BAIAP2L1: variants seen among roughly 807,000 people sequenced by gnomAD.
The protein encoded by BAIAP2L1 is BAR/IMD domain-containing adapter protein 2-like 1.
A neutral mutation model predicts 66.3 loss-of-function variants in BAIAP2L1; 35 were observed. That is an observed-to-expected ratio of 0.53 (90% CI 0.40 to 0.70). The LOEUF (loss-of-function observed/expected upper bound fraction) is 0.70, where lower values mean the gene tolerates loss of function less well. Among genes scored for constraint, BAIAP2L1 ranks in the 30% least tolerant of loss-of-function variants. BAIAP2L1 has a pLI of 0.00. For missense variants in BAIAP2L1, 622 were observed against 656.9 expected (o/e 0.95, Z 0.58); for synonymous variants, 269 against 248.7 (o/e 1.08, Z -0.77).
At chr7:98,342,166 C>T (rs1457422983) in intron 3 of BAIAP2L1, among the ~76,000 whole-genome samples, 2 of 151,414 alleles carry the variant, frequency 1.3e-5, no homozygotes, top group African/African-American at 4.9e-5. Context: ...ATTCTCATGC[C>T]TCAGCCTCCC....
At chr7:98,392,827 C>T (rs1803076039) in intron 1 of BAIAP2L1, among the ~76,000 whole-genome samples, 6 of 151,924 alleles carry the variant, frequency 3.9e-5, no homozygotes, top group Admixed American at 3.9e-4. Flanking sequence ...CAGATTCTTG[C>T]TGCCACCCAG....
chr7:98,351,925 T>C (rs1222108198), intron 3 of BAIAP2L1, among the ~76,000 whole-genome samples: 1 of 152,214 alleles, frequency 6.6e-6, no homozygotes, highest in African/African-American at 2.4e-5. Context: ...TTTGAAATGA[T>C]TCATGATTTT....
At chr7:98,368,484 AG>A (rs1802438545) in intron 1 of BAIAP2L1, among the ~76,000 whole-genome samples, 1 of 152,108 alleles carries the variant, frequency 6.6e-6, no homozygotes. Flanking sequence ...CAAGGTCAGA[AG>A]ATCGACACCA....
chr7:98,340,958 G>GTT (rs1562776656), intron 3 of BAIAP2L1, among the ~76,000 whole-genome samples: 112 of 59,732 alleles, frequency 1.9e-3, no homozygotes, highest in African/African-American at 6.8e-3. Context: ...CCAGCTAATT[G>GTT]GTTTTTTTTT....
At chr7:98,306,547 C>T (rs754008612) in intron 10 of BAIAP2L1, 31 bp from the exon 11 acceptor site, 1 of 1,614,060 alleles carries the variant, frequency 6.2e-7, no homozygotes, top group Non-Finnish European at 8.5e-7. Flanking sequence ...AAGACCCTAT[C>T]AGCAGTAGAC....
chr7:98,305,504 T>TG (rs1389945989), intron 11 of BAIAP2L1, among the ~76,000 whole-genome samples: 1 of 152,120 alleles, frequency 6.6e-6, no homozygotes, highest in African/African-American at 2.4e-5. Context: ...GGATGGGTTA[T>TG]GGGGGTTCTG....
At chr7:98,397,884 C>T (rs1803253674) in intron 1 of BAIAP2L1, among the ~76,000 whole-genome samples, 1 of 152,124 alleles carries the variant, frequency 6.6e-6, no homozygotes, top group African/African-American at 2.4e-5. Flanking sequence ...TAGTAAAATA[C>T]ACACATCCTC....
chr7:98,384,998 C>T (rs985272147), intron 1 of BAIAP2L1, among the ~76,000 whole-genome samples: 6 of 152,154 alleles, frequency 3.9e-5, no homozygotes, highest in African/African-American at 9.7e-5. Flanking sequence ...GGCAATCAAC[C>T]TCATTCTATT....
intron 3 of BAIAP2L1, among the ~76,000 whole-genome samples, chr7:98,329,735 C>G (rs1801451223): frequency 6.6e-6 from 1 of 151,180 alleles, no homozygotes; most frequent in African/African-American, 2.4e-5. Flanking sequence ...GACTCAGAAA[C>G]TCTTCCAAAA....
intron 3 of BAIAP2L1, among the ~76,000 whole-genome samples, chr7:98,333,999 G>T (rs1383862232): frequency 1.3e-5 from 2 of 151,930 alleles, no homozygotes; most frequent in African/African-American, 4.8e-5. Context: ...TCTCAGTAAA[G>T]GTATACATTT....
chr7:98,307,870 G>C lies in BAIAP2L1; in HGVS notation c.982C>G (p.Arg328Gly), dbSNP rs1385972037. ...AGTCCCGTTGCAACCGAAACTGATC[G>C]CTGTAAACTGGGATCTTCGGAAGTA... is the stretch of plus-strand genomic sequence containing the variant. ...TGTSEDPSLQ[R>G]SVSVATGLNM... The change falls in exon 10 of 14, where the codon CGA (arginine) becomes GGA (glycine). Residue 328 changes from arginine (R) to glycine (G), a missense_variant. Physicochemically the swap from Arg to Gly is moderately radical, Grantham distance 125. Transcript: ENST00000005260. The C allele has an allele frequency of 2.3e-5, 37 of 1,614,192 alleles. No homozygotes were observed. Among genetic ancestry groups the C allele is most frequent in the Non-Finnish European group, 3.0e-5 (35 of 1,180,004 alleles).
intron 1 of BAIAP2L1, among the ~76,000 whole-genome samples, chr7:98,380,180 C>A (rs186431503): frequency 6.6e-6 from 1 of 151,448 alleles, no homozygotes; most frequent in Non-Finnish European, 1.5e-5. Context: ...CAGACTCAAG[C>A]GATCCTTCTG....
At chr7:98,376,905 T>G (rs1002526156) in intron 1 of BAIAP2L1, among the ~76,000 whole-genome samples, 1 of 151,474 alleles carries the variant, frequency 6.6e-6, no homozygotes, top group African/African-American at 2.4e-5. Context: ...AGGTATTTTG[T>G]AGATATGGTC....
chr7:98,300,390 T>G (rs1475436132), intron 12 of BAIAP2L1, among the ~76,000 whole-genome samples: 1 of 152,126 alleles, frequency 6.6e-6, no homozygotes, highest in South Asian at 2.1e-4. Context: ...CTAACAGGAG[T>G]GCTGTCTACA....
intron 6 of BAIAP2L1, among the ~76,000 whole-genome samples, chr7:98,316,492 C>T (rs1204030473): frequency 6.6e-6 from 1 of 152,188 alleles, no homozygotes; most frequent in African/African-American, 2.4e-5. Context: ...GGAAACTCTA[C>T]AGCCTTCAGC....
chr7:98,380,236 C>T (rs949105117), intron 1 of BAIAP2L1, among the ~76,000 whole-genome samples: 10 of 152,004 alleles, frequency 6.6e-5, no homozygotes, highest in Admixed American at 5.9e-4. Context: ...CACCAACACA[C>T]CCACCTAATT....
In BAIAP2L1 at chr7:98,293,680, C is replaced by G. The variant is rs1417335507; in HGVS notation, c.1461-84G>C. Reference sequence around the variant, plus strand: ...AACAGTGCTAATAACCCGTTCTTGCCCTGTGAGACTGGGCGGCTGACCACC... The same window carrying G: ...AACAGTGCTAATAACCCGTTCTTGCGCTGTGAGACTGGGCGGCTGACCACC... On this transcript the variant is annotated intron_variant, in intron 13 of 13. Coordinates refer to ENST00000005260, the MANE Select transcript of BAIAP2L1 (RefSeq NM_018842.5). 2.9e-6 allele frequency: 4 copies of G among 1,369,604 alleles called. No homozygotes were observed. In the African/African-American group the frequency reaches 5.6e-5, roughly 19 times the overall value. 84.8% of individuals were successfully genotyped at this position (1,369,604 alleles called of 1,614,324 possible). A position where few individuals can be genotyped will look rare whatever the true frequency, so the allele number is the denominator to read the frequency against.
At chr7:98,355,689 C>A (rs1802104440) in intron 2 of BAIAP2L1, among the ~76,000 whole-genome samples, 1 of 152,056 alleles carries the variant, frequency 6.6e-6, no homozygotes, top group African/African-American at 2.4e-5. Flanking sequence ...GAGATCATGA[C>A]ACTGCATTCT....
Position 98,315,494 on chromosome 7 carries a change from C to A in BAIAP2L1, c.605G>T (p.Gly202Val). Residue 202 changes from glycine to valine, a missense_variant, in exon 7 of 14, where the codon GGC becomes GTC. Physicochemically the swap from Gly to Val is moderately radical, Grantham distance 109 (BLOSUM62 -3). Coordinates refer to ENST00000005260, the MANE Select transcript of BAIAP2L1 (RefSeq NM_018842.5). ...RFCFLVDKHC[G>V]FANHIHYYHL... Reference sequence around the variant, plus strand: ...ATAATAATGTATGTGGTTTGCAAAGCCACAGTGCTTATCAACCAGAAAGCA... The same window carrying A: ...ATAATAATGTATGTGGTTTGCAAAGACACAGTGCTTATCAACCAGAAAGCA... 1 of 1,517,682 alleles carries A rather than the reference C, an allele frequency of 6.6e-7. No homozygotes were observed. Among genetic ancestry groups the A allele is most frequent in the Non-Finnish European group, 8.9e-7 (1 of 1,127,498 alleles). 94.0% of individuals were successfully genotyped at this position (1,517,682 alleles called of 1,614,324 possible). A position where few individuals can be genotyped will look rare whatever the true frequency, so the allele number is the denominator to read the frequency against.
Sources: allele counts gnomAD v4.1 joint callset (sites outside exome capture counted in the v4.1 genomes callset), GRCh38; gene constraint gnomAD v4.1.1; transcripts MANE v1.5; gene names NCBI Gene and HGNC (gene_info 2026-07-23, HGNC 2026-07-21).